DNAJC6: variants seen among roughly 807,000 people sequenced by gnomAD.
The protein encoded by DNAJC6 is auxilin.
Under a neutral mutation model 110.0 loss-of-function variants are expected in DNAJC6, and 34 were observed. The observed-to-expected ratio is 0.31, with a 90% CI of 0.24 to 0.41. The LOEUF is 0.41. Among genes scored for constraint, DNAJC6 ranks in the 10% least tolerant of loss-of-function variants. The pLI is 1.00. For synonymous variants in DNAJC6, 406 were observed against 437.2 expected, an observed-to-expected ratio of 0.93 and a Z score of 0.89; for missense variants, 1,031 against 1,207.8, an observed-to-expected ratio of 0.85 and a Z score of 2.17.
Position 65,357,358 on chromosome 1 carries a change from T to C in DNAJC6, c.194-7277T>C, listed in dbSNP as rs928582425. On this transcript the variant is annotated intron_variant, in intron 1 of 18. Coordinates refer to ENST00000371069, the MANE Select transcript of DNAJC6 (RefSeq NM_001256864.2). ...GGATACTAACTCACTTTACTAGACC[T>C]GGATGATGAAAACATTCTGGAAAGA... 3.3e-5 allele frequency among the ~76,000 whole-genome samples: 5 copies of C among 152,326 alleles called. No individual in the cohort carries two copies. The South Asian group carries it at 6.2e-4, about 19-fold the overall frequency.
chr1:65,411,749 C>T (rs937212546), intron 18 of DNAJC6, among the ~76,000 whole-genome samples: 2 of 151,804 alleles, frequency 1.3e-5, no homozygotes, highest in Admixed American at 6.6e-5. Flanking sequence ...GTAGGCGAAT[C>T]GCTCGAGCCC....
At chr1:65,340,407 T>A (rs1444609131) in intron 1 of DNAJC6, among the ~76,000 whole-genome samples, 2 of 152,174 alleles carry the variant, frequency 1.3e-5, no homozygotes, top group Non-Finnish European at 2.9e-5. Context: ...GGCAAGGTCT[T>A]CTTTGGGCCC....
intron 1 of DNAJC6, among the ~76,000 whole-genome samples, chr1:65,356,879 C>T (rs1645549103): frequency 6.6e-6 from 1 of 152,132 alleles, no homozygotes; most frequent in Admixed American, 6.5e-5. Flanking sequence ...TACATTTCCT[C>T]AAAGCTTCCC....
chr1:65,393,299 T>G (rs1257385549), intron 12 of DNAJC6, among the ~76,000 whole-genome samples: 2 of 152,330 alleles, frequency 1.3e-5, no homozygotes, highest in East Asian at 3.9e-4. Flanking sequence ...CCCCATTTTA[T>G]AGTTGAGGAA....
chr1:65,304,658 G>A (rs1011250669), upstream of DNAJC6, among the ~76,000 whole-genome samples: 15 of 152,066 alleles, frequency 9.9e-5, no homozygotes, highest in Non-Finnish European at 1.5e-4. Context: ...GAGGATTCTC[G>A]GTCTATTTTG....
chr1:65,392,097 C>T lies in DNAJC6; in HGVS notation c.1469-334C>T, dbSNP rs545278694. Among the ~76,000 whole-genome samples, 21 of 152,228 alleles carry T rather than the reference C, an allele frequency of 1.4e-4. 1 individual carries two copies. The South Asian group carries it at 4.4e-3, about 32-fold the overall frequency. On this transcript the variant is annotated intron_variant, in intron 11 of 18. Coordinates refer to ENST00000371069, the MANE Select transcript of DNAJC6 (RefSeq NM_001256864.2). ...GGCCGTTAGGTACAATTTGTTATCC[C>T]CACTTTGCTGAGGAGGAAACCAAGG... is the stretch of plus-strand genomic sequence containing the variant.
chr1:65,268,892 AG>A (rs1653419394), intron 1 of DNAJC6, among the ~76,000 whole-genome samples: 2 of 152,202 alleles, frequency 1.3e-5, no homozygotes, highest in Non-Finnish European at 2.9e-5. Flanking sequence ...AAGGTCTTAG[AG>A]GCACAAAATA....
At chr1:65,302,065 TTATA>T (rs542166815) in intron 1 of DNAJC6, among the ~76,000 whole-genome samples, 96 of 142,036 alleles carry the variant, frequency 6.8e-4, no homozygotes, top group African/African-American at 2.5e-3. Context: ...ACTGTGGATT[TTATA>T]TATAATACGT....
chr1:65,279,043 C>G, intron 1 of DNAJC6: 1 of 985,346 alleles, frequency 1.0e-6, no homozygotes, highest in Non-Finnish European at 1.2e-6. Context: ...CTTGTTTCAT[C>G]ACCTAAGAAT....
At chr1:65,327,974 C>G (rs1272163219) in intron 1 of DNAJC6, among the ~76,000 whole-genome samples, 1 of 152,108 alleles carries the variant, frequency 6.6e-6, no homozygotes, top group African/African-American at 2.4e-5. Flanking sequence ...CTCAGCCTCT[C>G]AAAGTGTTGG....
At chr1:65,355,278 A>G (rs918772898) in intron 1 of DNAJC6, among the ~76,000 whole-genome samples, 2 of 151,836 alleles carry the variant, frequency 1.3e-5, no homozygotes. Context: ...AAAAAAAAAA[A>G]AAAAAAAAGA....
At chr1:65,322,857 G>T (rs11208630) in intron 1 of DNAJC6, among the ~76,000 whole-genome samples, 9,519 of 152,208 alleles carry the variant, frequency 0.063, 343 homozygotes, top group Non-Finnish European at 0.079. Flanking sequence ...ATATTTCTGT[G>T]AATTATTTTT....
At chr1:65,276,465 C>T (rs1238238100) in intron 1 of DNAJC6, among the ~76,000 whole-genome samples, 1 of 152,124 alleles carries the variant, frequency 6.6e-6, no homozygotes, top group Non-Finnish European at 1.5e-5. Context: ...GAGATCACTT[C>T]AATCAGGCAC....
rs777847427 is a variant in DNAJC6, at chr1:65,385,828, A to G, written c.917A>G (p.Asn306Ser). 4 of 1,614,148 alleles carry G rather than the reference A, an allele frequency of 2.5e-6. No homozygotes were observed. The highest frequency in any genetic ancestry group is 2.5e-6 in the Non-Finnish European group (3 of 1,180,000). ...ATACCCTTTTTCAACAAACAGAGGA[A>G]TGGATGTCGCCCTTACTGTGATGTA... ...SPIPFFNKQR[N>S]GCRPYCDVLI... Residue 306 changes from asparagine (N) to serine (S), a missense_variant, in exon 7 of 19, where the codon AAT becomes AGT. Transcript: ENST00000371069.
intron 5 of DNAJC6, among the ~76,000 whole-genome samples, chr1:65,381,341 A>G (rs890895501): frequency 1.3e-5 from 2 of 151,824 alleles, no homozygotes; most frequent in Non-Finnish European, 2.9e-5. Flanking sequence ...TGAGGTCAGG[A>G]GTTTGAGACC....
chr1:65,366,568 A>G (rs1238548630), intron 4 of DNAJC6, among the ~76,000 whole-genome samples: 1 of 152,188 alleles, frequency 6.6e-6, no homozygotes, highest in Non-Finnish European at 1.5e-5. Flanking sequence ...CTTTATTGCT[A>G]CTTGGTATCA....
At chr1:65,355,499 C>T (rs916877655) in intron 1 of DNAJC6, among the ~76,000 whole-genome samples, 19 of 152,114 alleles carry the variant, frequency 1.2e-4, no homozygotes, top group African/African-American at 4.6e-4. Flanking sequence ...CTACACATGC[C>T]CCTGCTTCTG....
At chr1:65,272,125 T>C (rs1417674130) in intron 1 of DNAJC6, among the ~76,000 whole-genome samples, 7 of 152,220 alleles carry the variant, frequency 4.6e-5, no homozygotes, top group African/African-American at 1.7e-4. Flanking sequence ...AGTATTCTTA[T>C]CTTGTTACTG....
intron 4 of DNAJC6, among the ~76,000 whole-genome samples, chr1:65,376,074 T>G (rs1645763883): frequency 6.6e-6 from 1 of 152,232 alleles, no homozygotes; most frequent in Non-Finnish European, 1.5e-5. Context: ...TACTTGTTAC[T>G]GGTTTGTTGA....
Sources: allele counts gnomAD v4.1 joint callset (sites outside exome capture counted in the v4.1 genomes callset), GRCh38; gene constraint gnomAD v4.1.1; transcripts MANE v1.5; gene names NCBI Gene and HGNC (gene_info 2026-07-23, HGNC 2026-07-21).